The following ALDH2 variants were observed in gnomAD, a reference collection of about 807,000 sequenced individuals.
The protein encoded by ALDH2 is aldehyde dehydrogenase 2 family member.
A neutral mutation model predicts 59.6 loss-of-function variants in ALDH2; 44 were observed. The ratio of observed to expected loss-of-function variants is 0.74; its 90% CI spans 0.58 to 0.95. The LOEUF is 0.95. Ranked by LOEUF, ALDH2 falls within the 40% of genes least tolerant of loss-of-function variation. The pLI, the probability that ALDH2 is intolerant of heterozygous loss-of-function variation, is 0.00. For synonymous variants in ALDH2, 291 were observed against 284.0 expected (o/e 1.02, Z -0.25); for missense variants, 570 against 696.3 (o/e 0.82, Z 2.04).
intron 12 of ALDH2, among the ~76,000 whole-genome samples, chr12:111,804,746 C>CA (rs76471972): frequency 0.039 from 2,382 of 60,826 alleles, 67 homozygotes; most frequent in African/African-American, 0.12. Context: ...GACTCCGTCT[C>CA]AAAAAAAAAA....
chr12:111,799,533 T>A (rs1368173192), intron 10 of ALDH2, among the ~76,000 whole-genome samples: 1 of 148,636 alleles, frequency 6.7e-6, no homozygotes, highest in African/African-American at 2.5e-5. Flanking sequence ...GGACTCGAAC[T>A]CCTAGACTCA....
chr12:111,775,489 C>T (rs2068228138), intron 1 of ALDH2: 1 of 368,206 alleles, frequency 2.7e-6, no homozygotes, highest in Non-Finnish European at 5.4e-6. Flanking sequence ...TCAGTGAAAG[C>T]TTATGGAATG....
At position 111,767,658 on chromosome 12, in the gene ALDH2, C is replaced by A. The variant is rs563225494; in HGVS notation, c.114+562C>A. ...GGACCTTCGGCCCCAGGGGGCCGACCCCAAGGGGTGTCTGCGGCTTCCAAC... is the reference window on the plus strand; with the variant it reads ...GGACCTTCGGCCCCAGGGGGCCGACACCAAGGGGTGTCTGCGGCTTCCAAC... On this transcript the variant is annotated intron_variant, in intron 1 of 12. Transcript: ENST00000261733. Among the ~76,000 whole-genome samples the A allele has an allele frequency of 3.2e-3, 493 of 152,286 alleles. 2 individuals carry two copies. The highest frequency in any genetic ancestry group is 0.011 in the African/African-American group (450 of 41,560).
chr12:111,811,201 T>C lies in ALDH2; in HGVS notation c.*1626T>C, dbSNP rs1410258620. ...AAAATACAAAAAAAAAAAAAAAAAC[T>C]AGCCGGGCATGGTGGCTCATGCCTG... On this transcript the variant is annotated 3_prime_UTR_variant, in exon 13 of 13. Coordinates refer to ENST00000261733, the MANE Select transcript of ALDH2 (RefSeq NM_000690.4). 2.8e-4 allele frequency: 40 copies of C among 143,610 alleles called. No homozygotes were observed. The highest frequency in any genetic ancestry group is 9.2e-4 in the African/African-American group (36 of 39,232). The allele number at this position is 143,610 out of a possible 1,614,324, so 8.9% of individuals were successfully genotyped here.
At chr12:111,793,989 C>T (rs2068382419) in intron 9 of ALDH2, among the ~76,000 whole-genome samples, 1 of 151,508 alleles carries the variant, frequency 6.6e-6, no homozygotes, top group Admixed American at 6.6e-5. Flanking sequence ...CTTTTCCTCC[C>T]CTGAGCCCTG....
intron 1 of ALDH2, chr12:111,775,728 G>A (rs2068230491): frequency 8.8e-6 from 4 of 454,014 alleles, no homozygotes; most frequent in South Asian, 4.7e-5. Flanking sequence ...TATGTAAGTC[G>A]AGCTTCGGGT....
intron 1 of ALDH2, among the ~76,000 whole-genome samples, chr12:111,781,658 A>C (rs1164878469): frequency 2.3e-4 from 35 of 152,186 alleles, no homozygotes; most frequent in Admixed American, 2.2e-3. Context: ...GCAATGGATA[A>C]CTAGAACAAG....
chr12:111,791,174 A>T, intron 6 of ALDH2, 132 bp from the exon 7 acceptor site: 1 of 665,762 alleles, frequency 1.5e-6, no homozygotes, highest in Admixed American at 2.5e-5. Flanking sequence ...AGTGCCCCAT[A>T]CAATTAGCTT....
rs763064937 is a variant in ALDH2 at position 111,812,087 on chromosome 12, GGA to G, written c.*2523_*2524del. The G allele has an allele frequency of 3.3e-5, 5 of 152,458 alleles. No individual in the cohort carries two copies. The highest frequency in any genetic ancestry group is 5.9e-5 in the Non-Finnish European group (4 of 68,292). The allele number at this position is 152,458 out of a possible 1,614,324, so 9.4% of individuals were successfully genotyped here. A position where few individuals can be genotyped will look rare whatever the true frequency, so the allele number is the denominator to read the frequency against. ...TGGCAGCCAAGGCAGAGATAGACAG[GGA>G]GAGAGAGAGACAGCTTACGCCATTA... On this transcript the variant is annotated 3_prime_UTR_variant, in exon 13 of 13. Coordinates refer to ENST00000261733, the MANE Select transcript of ALDH2 (RefSeq NM_000690.4).
chr12:111,769,676 C>A (rs1380232361), intron 1 of ALDH2, among the ~76,000 whole-genome samples: 1 of 151,662 alleles, frequency 6.6e-6, no homozygotes, highest in African/African-American at 2.4e-5. Flanking sequence ...ACGTTCAGAT[C>A]TCATTTAACC....
intron 1 of ALDH2, among the ~76,000 whole-genome samples, chr12:111,769,090 T>C (rs2068179934): frequency 6.6e-6 from 1 of 152,210 alleles, no homozygotes; most frequent in Admixed American, 6.5e-5. Flanking sequence ...TGGGTCCAGA[T>C]ATGCACCCAG....
intron 1 of ALDH2, among the ~76,000 whole-genome samples, chr12:111,770,695 A>G (rs1213110444): frequency 6.6e-6 from 1 of 151,856 alleles, no homozygotes; most frequent in African/African-American, 2.4e-5. Context: ...CCCAGGGTGG[A>G]GTGCAGTGGT....
rs1386216952 is a variant in ALDH2 at position 111,792,104 on chromosome 12, A to G, written c.839A>G (p.Lys280Arg). 48 of 1,609,568 alleles carry G rather than the reference A, an allele frequency of 3.0e-5. No homozygotes were observed. Among genetic ancestry groups the G allele is most frequent in the Non-Finnish European group, 4.1e-5 (48 of 1,179,020 alleles). ...GTTGCTGCTGGGAGCAGCAACCTCAAGAGAGTGACCTTGGAGCTGGGGGGG... is the reference window on the plus strand; with the variant it reads ...GTTGCTGCTGGGAGCAGCAACCTCAGGAGAGTGACCTTGGAGCTGGGGGGG... The part of the protein sequence containing the change: ...IQVAAGSSNL[K>R]RVTLELGGKS... Residue 280 changes from lysine (K) to arginine (R), a missense_variant, in exon 8 of 13, where the codon AAG (lysine) becomes AGG (arginine). Physicochemically the swap from Lys to Arg is conservative, Grantham distance 26. Coordinates refer to ENST00000261733, the MANE Select transcript of ALDH2 (RefSeq NM_000690.4).
rs1431308860 is a variant in ALDH2, at chr12:111,798,210, G to A, written c.1216G>A (p.Val406Met). 6.3e-7 allele frequency: 1 copy of A among 1,581,232 alleles called. No homozygotes were observed. The highest frequency in any genetic ancestry group is 1.4e-5 in the African/African-American group (1 of 73,966). The change falls in exon 10 of 13, where the codon GTG becomes ATG. Residue 406 changes from valine (V) to methionine (M), a missense_variant. Physicochemically the swap from Val to Met is conservative, Grantham distance 21. Coordinates refer to ENST00000261733, the MANE Select transcript of ALDH2 (RefSeq NM_000690.4). ...CATCCAGCCCACTGTGTTTGGAGAT[G>A]TGCAGGATGGCATGACCATCGCCAA... The part of the protein sequence containing the change: ...YFIQPTVFGD[V>M]QDGMTIAKEE...
Position 111,809,870 on chromosome 12 carries a change from G to GT in ALDH2, c.*298dup, listed in dbSNP as rs1275416292. 3.9e-5 allele frequency: 18 copies of GT among 461,076 alleles called. No individual in the cohort carries two copies. Among genetic ancestry groups the GT allele is most frequent in the Non-Finnish European group, 4.7e-5 (12 of 256,608 alleles). 28.6% of individuals were successfully genotyped at this position (461,076 alleles called of 1,614,324 possible). A position where few individuals can be genotyped will look rare whatever the true frequency, so the allele number is the denominator to read the frequency against. ...CTCTGAAACGCTTCCTATAACTCGA[G>GT]TTTATAGGGGAAGAAAAAGCTATTG... On this transcript the variant is annotated 3_prime_UTR_variant, in exon 13 of 13. Coordinates refer to ENST00000261733, the MANE Select transcript of ALDH2 (RefSeq NM_000690.4).
At chr12:111,802,854 A>T (rs570870186) in intron 11 of ALDH2, among the ~76,000 whole-genome samples, 27 of 142,360 alleles carry the variant, frequency 1.9e-4, no homozygotes, top group South Asian at 1.8e-3. Context: ...CACTCCAGCC[A>T]GGGCGACGGA....
At chr12:111,776,333 GGC>G (rs2068235005) in intron 1 of ALDH2, among the ~76,000 whole-genome samples, 1 of 152,162 alleles carries the variant, frequency 6.6e-6, no homozygotes, top group Non-Finnish European at 1.5e-5. Context: ...ACCCCCTGCG[GGC>G]AAGGTCCTAG....
At chr12:111,793,604 A>AT (rs2068379741) in intron 9 of ALDH2, among the ~76,000 whole-genome samples, 1 of 145,552 alleles carries the variant, frequency 6.9e-6, no homozygotes, top group Non-Finnish European at 1.5e-5. Context: ...TTTAATTTTT[A>AT]TTTTTTTTGG....
At chr12:111,785,787 G>C (rs1473437116) in intron 4 of ALDH2, among the ~76,000 whole-genome samples, 1 of 152,114 alleles carries the variant, frequency 6.6e-6, no homozygotes, top group Non-Finnish European at 1.5e-5. Flanking sequence ...GTCAGAGAAG[G>C]CTACTCTATT....
Sources: gnomAD v4.1 joint callset for allele counts (sites outside exome capture counted in the v4.1 genomes callset) on GRCh38, gnomAD v4.1.1 for gene constraint, MANE v1.5 for transcripts, NCBI Gene and HGNC (gene_info 2026-07-23, HGNC 2026-07-21) for gene names.